The following BTNL8 variants were observed in gnomAD, a reference collection of about 807,000 sequenced individuals.
BTNL8 encodes the protein butyrophilin-like protein 8.
BTNL8 carries 22 observed loss-of-function variants against 36.1 expected under a neutral mutation model. The observed-to-expected ratio is 0.61, with a 90% CI of 0.44 to 0.87. The LOEUF (loss-of-function observed/expected upper bound fraction) is 0.87, where lower values mean the gene tolerates loss of function less well. Among genes scored for constraint, BTNL8 ranks in the 40% least tolerant of loss-of-function variants. BTNL8 has a pLI of 0.00. For missense variants in BTNL8, 526 were observed against 616.9 expected, an observed-to-expected ratio of 0.85 and a Z score of 1.56; for synonymous variants, 203 against 235.6, an observed-to-expected ratio of 0.86 and a Z score of 1.27.
intron 2 of BTNL8, among the ~76,000 whole-genome samples, chr5:180,910,420 A>G (rs1454201548): frequency 1.3e-5 from 2 of 152,272 alleles, no homozygotes; most frequent in East Asian, 3.9e-4. Context: ...TAACATACAT[A>G]ACTCACAGAC....
At chr5:180,937,917 C>T (rs1388811500) in intron 3 of BTNL8, among the ~76,000 whole-genome samples, 1 of 133,516 alleles carries the variant, frequency 7.5e-6, no homozygotes, top group Non-Finnish European at 1.6e-5. Context: ...AAATGAAATA[C>T]TTTTTAAAAG....
chr5:180,918,028 C>CA (rs368211844), intron 3 of BTNL8, among the ~76,000 whole-genome samples: 56,516 of 114,584 alleles, frequency 0.49, 12,387 homozygotes, highest in African/African-American at 0.62. Context: ...GATTCTGTCT[C>CA]AAAAAAAAAA....
chr5:180,930,131 T>C (rs1195752046), intron 3 of BTNL8, among the ~76,000 whole-genome samples: 1 of 152,226 alleles, frequency 6.6e-6, no homozygotes, highest in Non-Finnish European at 1.5e-5. Context: ...TCAAGTTGGC[T>C]TCATCCTTGG....
At chr5:180,902,023 A>T (rs575432238) in intron 1 of BTNL8, among the ~76,000 whole-genome samples, 1 of 152,222 alleles carries the variant, frequency 6.6e-6, no homozygotes, top group African/African-American at 2.4e-5. Flanking sequence ...GAAATGTAAC[A>T]TTCCTCTATA....
At chr5:180,912,765 C>T (rs1757459441) in intron 3 of BTNL8, among the ~76,000 whole-genome samples, 1 of 152,118 alleles carries the variant, frequency 6.6e-6, no homozygotes, top group Admixed American at 6.6e-5. Flanking sequence ...TGCAAAATTT[C>T]ACCATTTGCG....
At chr5:180,944,129 G>A (rs1759114402) in intron 3 of BTNL8, among the ~76,000 whole-genome samples, 2 of 152,174 alleles carry the variant, frequency 1.3e-5, no homozygotes, top group Admixed American at 6.5e-5. Flanking sequence ...TTATCTCATA[G>A]AAGTAGAGAA....
intron 3 of BTNL8, among the ~76,000 whole-genome samples, chr5:180,914,586 G>A (rs1320723856): frequency 6.6e-6 from 1 of 152,086 alleles, no homozygotes; most frequent in Non-Finnish European, 1.5e-5. Flanking sequence ...ATAACTAAGT[G>A]GTCATTGAAA....
chr5:180,910,484 AAT>A (rs1232597129), intron 2 of BTNL8, among the ~76,000 whole-genome samples: 2 of 152,192 alleles, frequency 1.3e-5, no homozygotes, highest in African/African-American at 4.8e-5. Flanking sequence ...CTGACAAAAG[AAT>A]ATAAGTTAGG....
At chr5:180,912,818 AAC>A (rs1426034911) in intron 3 of BTNL8, among the ~76,000 whole-genome samples, 2 of 151,842 alleles carry the variant, frequency 1.3e-5, no homozygotes, top group Non-Finnish European at 2.9e-5. Flanking sequence ...GATATTTTCA[AAC>A]ATGTGTGTCG....
Position 180,950,517 on chromosome 5 carries a change from G to A in BTNL8, c.1476G>A (p.Thr492=), listed in dbSNP as rs148119029. Residue 492 remains threonine (T), a synonymous_variant, in exon 8 of 8, where the codon ACG becomes ACA. Coordinates refer to ENST00000340184, the MANE Select transcript of BTNL8 (RefSeq NM_001040462.3). ...GTGAGTCCTCCTCACAGGCAACCACGCCCTTCCTCCCCAGGGGTGAAATGT... is the reference window on the plus strand; with the variant it reads ...GTGAGTCCTCCTCACAGGCAACCACACCCTTCCTCCCCAGGGGTGAAATGT... ...SNSESSSQAT[T]PFLPRGEM 1.1e-5 allele frequency: 16 copies of A among 1,462,708 alleles called. 4 individuals are homozygous for A. Among genetic ancestry groups the A allele is most frequent in the East Asian group, 9.8e-5 (4 of 40,912 alleles). 90.6% of individuals were successfully genotyped at this position (1,462,708 alleles called of 1,614,324 possible).
At chr5:180,929,536 G>A (rs1167526594) in intron 3 of BTNL8, among the ~76,000 whole-genome samples, 1 of 144,806 alleles carries the variant, frequency 6.9e-6, no homozygotes, top group East Asian at 1.9e-4. Flanking sequence ...GTGGTTTTTT[G>A]AAAAGATTAA....
chr5:180,933,700 TA>T (rs1758512106), intron 3 of BTNL8, among the ~76,000 whole-genome samples: 1 of 152,016 alleles, frequency 6.6e-6, no homozygotes, highest in Non-Finnish European at 1.5e-5. Context: ...GGATCTCTAA[TA>T]AACAGCCTAA....
In BTNL8 at chr5:180,948,248, C is replaced by T. The variant is rs894198547; in HGVS notation, c.788-107C>T. On this transcript the variant is annotated intron_variant, in intron 4 of 7. Coordinates refer to ENST00000340184, the MANE Select transcript of BTNL8 (RefSeq NM_001040462.3). ...CACATATAAGTGTCCTAGGAGAGGC[C>T]CTGCCCTTCACACCTGCAGCTCGTC... 2.0e-5 allele frequency: 29 copies of T among 1,416,630 alleles called. 4 individuals are homozygous for T. The highest frequency in any genetic ancestry group is 2.8e-5 in the Non-Finnish European group (29 of 1,019,108). 87.8% of individuals were successfully genotyped at this position (1,416,630 alleles called of 1,614,324 possible).
chr5:180,933,720 A>T (rs908380044), intron 3 of BTNL8, among the ~76,000 whole-genome samples: 4 of 152,200 alleles, frequency 2.6e-5, no homozygotes, highest in South Asian at 2.1e-4. Context: ...AATGTTACAC[A>T]TCAAGGAACT....
chr5:180,917,810 C>T lies in BTNL8; in HGVS notation c.673+6196C>T, dbSNP rs540404475. 1.6e-3 allele frequency among the ~76,000 whole-genome samples: 240 copies of T among 151,928 alleles called. 1 individual carries two copies. The highest frequency in any genetic ancestry group is 5.3e-3 in the African/African-American group (218 of 41,424). On this transcript the variant is annotated intron_variant, in intron 3 of 7. Coordinates refer to ENST00000340184, the MANE Select transcript of BTNL8 (RefSeq NM_001040462.3). ...CTGGGAGGCCGAGGTGGGTGGATCA[C>T]GAGGTCAGGAGATCGAGACCATCCT...
chr5:180,950,318 A>T lies in BTNL8; in HGVS notation c.1277A>T (p.Gln426Leu), dbSNP rs1467082026. ...ATCTCCTTCTTCAACATAAATGACC[A>T]GTCCCTTATTTATACCCTGACATGT... ...GTISFFNIND[Q>L]SLIYTLTCRF... Residue 426 changes from glutamine to leucine, a missense_variant, in exon 8 of 8, where the codon CAG (glutamine) becomes CTG (leucine). Around this residue, in one of 2 missense-constraint regions of BTNL8, gnomAD observed 176 missense variants for 292.3 expected, o/e 0.60. Coordinates refer to ENST00000340184, the MANE Select transcript of BTNL8 (RefSeq NM_001040462.3). 1 of 1,463,670 alleles carries T rather than the reference A, an allele frequency of 6.8e-7. No homozygotes were observed. Among genetic ancestry groups the T allele is most frequent in the African/African-American group, 1.4e-5 (1 of 72,580 alleles). 90.7% of individuals were successfully genotyped at this position (1,463,670 alleles called of 1,614,324 possible).
chr5:180,919,966 A>G (rs1296251917), intron 3 of BTNL8, among the ~76,000 whole-genome samples: 4 of 152,186 alleles, frequency 2.6e-5, no homozygotes, highest in Admixed American at 2.0e-4. Flanking sequence ...ATCAATTTAT[A>G]GATTTAATGC....
intron 3 of BTNL8, among the ~76,000 whole-genome samples, chr5:180,937,774 A>G (rs1440032325): frequency 6.6e-6 from 1 of 152,214 alleles, no homozygotes; most frequent in Non-Finnish European, 1.5e-5. Context: ...TTCTTCAGTA[A>G]CAGACTCCAA....
intron 1 of BTNL8, among the ~76,000 whole-genome samples, chr5:180,901,942 A>G (rs1327301421): frequency 1.3e-5 from 2 of 152,248 alleles, no homozygotes; most frequent in Non-Finnish European, 2.9e-5. Flanking sequence ...CATGTCTTTC[A>G]GAACTTGGCA....
Sources: allele counts gnomAD v4.1 joint callset (sites outside exome capture counted in the v4.1 genomes callset), GRCh38; gene constraint gnomAD v4.1.1; regional missense constraint gnomAD v4.1.1; transcripts MANE v1.5; gene names NCBI Gene and HGNC (gene_info 2026-07-23, HGNC 2026-07-21).